The following LDLRAD3 variants were observed in gnomAD, a reference collection of about 807,000 sequenced individuals.
LDLRAD3 encodes the protein low-density lipoprotein receptor class A domain-containing protein 3.
Under a neutral mutation model 29.4 loss-of-function variants are expected in LDLRAD3, and 20 were observed. That is an observed-to-expected ratio of 0.68 (90% CI 0.48 to 0.99). The LOEUF (loss-of-function observed/expected upper bound fraction) is 0.99, where lower values mean the gene tolerates loss of function less well. LDLRAD3 is among the 50% of genes least tolerant of loss of function. The pLI is 0.00. For synonymous variants in LDLRAD3, 157 were observed against 192.7 expected (o/e 0.81, Z 1.53); for missense variants, 420 against 454.3 (o/e 0.92, Z 0.69).
chr11:36,183,284 A>C (rs560426907), intron 4 of LDLRAD3, among the ~76,000 whole-genome samples: 42 of 152,190 alleles, frequency 2.8e-4, no homozygotes, highest in East Asian at 5.8e-4. Context: ...AAAGGTAATA[A>C]ATTTCAACCT....
rs187712655 is a variant in LDLRAD3 at position 36,118,225 on chromosome 11, T to C, written c.454+19764T>C. Among the ~76,000 whole-genome samples the C allele has an allele frequency of 1.6e-4, 25 of 152,252 alleles. No homozygotes were observed. The East Asian group carries it at 2.7e-3, about 16-fold the overall frequency. The stretch of plus-strand genomic sequence containing the variant: ...AGGTGTTAGACCAACTCTTTTGTTT[T>C]ATAGAGGAGAAAATGGAGACCAAGA... On this transcript the variant is annotated intron_variant, in intron 4 of 5. Transcript: ENST00000315571.
intron 4 of LDLRAD3, among the ~76,000 whole-genome samples, chr11:36,150,411 C>A (rs548546087): frequency 1.4e-4 from 21 of 152,118 alleles, no homozygotes; most frequent in African/African-American, 5.1e-4. Context: ...GCCTGTAGTC[C>A]CAGCTACCCA....
intron 2 of LDLRAD3, among the ~76,000 whole-genome samples, chr11:36,054,970 C>CATGGATGGATGGATGG (rs147422335): frequency 3.4e-5 from 3 of 87,300 alleles, no homozygotes; most frequent in African/African-American, 1.4e-4. Context: ...TGGATGGATG[C>CATGGATGGATGGATGG]ATGGATGGAT....
chr11:36,020,473 C>T (rs531577208), intron 1 of LDLRAD3, among the ~76,000 whole-genome samples: 1 of 152,286 alleles, frequency 6.6e-6, no homozygotes, highest in Admixed American at 6.5e-5. Context: ...TATTTTAGCA[C>T]AGGGAAGCAA....
intron 4 of LDLRAD3, among the ~76,000 whole-genome samples, chr11:36,157,490 C>G (rs1854371037): frequency 1.3e-5 from 2 of 152,090 alleles, no homozygotes; most frequent in African/African-American, 4.8e-5. Flanking sequence ...TTTAAAGTCC[C>G]AAATGAACCA....
rs764292700 is a variant in LDLRAD3, at chr11:36,036,128, C to G, written c.72C>G (p.Asn24Lys). 6.2e-7 allele frequency: 1 copy of G among 1,614,060 alleles called. No homozygotes were observed. Among genetic ancestry groups the G allele is most frequent in the South Asian group, 1.1e-5 (1 of 91,062 alleles). ...AGAGCCAGCTGCTCCCCGGGAACAACTTCACCAATGAGTGCAACATACCAG... is the reference window on the plus strand; with the variant it reads ...AGAGCCAGCTGCTCCCCGGGAACAAGTTCACCAATGAGTGCAACATACCAG... ...AAESQLLPGN[N>K]FTNECNIPGN... The change falls in exon 2 of 6, where the codon AAC (asparagine) becomes AAG (lysine). Residue 24 changes from asparagine to lysine, a missense_variant. Coordinates refer to ENST00000315571, the MANE Select transcript of LDLRAD3 (RefSeq NM_174902.4).
At chr11:36,154,899 C>T (rs978667212) in intron 4 of LDLRAD3, among the ~76,000 whole-genome samples, 3 of 152,166 alleles carry the variant, frequency 2.0e-5, no homozygotes, top group Non-Finnish European at 4.4e-5. Flanking sequence ...GGAGCTCATG[C>T]TGTCTTTAGG....
intron 3 of LDLRAD3, among the ~76,000 whole-genome samples, chr11:36,084,922 G>A (rs1272445458): frequency 3.3e-5 from 5 of 152,140 alleles, no homozygotes; most frequent in Non-Finnish European, 2.9e-5. Context: ...ATCTGTGTAC[G>A]TTAGCCACCC....
intron 2 of LDLRAD3, among the ~76,000 whole-genome samples, chr11:36,051,335 G>T (rs1324023196): frequency 6.6e-6 from 1 of 152,202 alleles, no homozygotes; most frequent in Admixed American, 6.5e-5. Context: ...GGTCAACATG[G>T]TTGAGAGCAT....
intron 1 of LDLRAD3, among the ~76,000 whole-genome samples, chr11:35,965,418 G>T (rs1156642967): frequency 6.6e-6 from 1 of 152,232 alleles, no homozygotes; most frequent in Non-Finnish European, 1.5e-5. Context: ...TTTGGGAACT[G>T]CTGGTAGAGA....
intron 4 of LDLRAD3, among the ~76,000 whole-genome samples, chr11:36,158,646 G>A (rs996656281): frequency 2.2e-4 from 33 of 151,740 alleles, no homozygotes; most frequent in African/African-American, 7.2e-4. Flanking sequence ...GTGAGGGCAG[G>A]AATTTCTGTT....
At chr11:35,962,400 G>C (rs769402889) in intron 1 of LDLRAD3, among the ~76,000 whole-genome samples, 4 of 152,122 alleles carry the variant, frequency 2.6e-5, no homozygotes, top group Non-Finnish European at 5.9e-5. Context: ...TGCCTCTACA[G>C]AAAGTACCTT....
intron 2 of LDLRAD3, among the ~76,000 whole-genome samples, chr11:36,056,450 G>T (rs755163174): frequency 6.6e-6 from 1 of 152,118 alleles, no homozygotes; most frequent in Non-Finnish European, 1.5e-5. Flanking sequence ...TAAGTAACTG[G>T]CTGAGGCACT....
At chr11:36,122,674 T>G (rs915906519) in intron 4 of LDLRAD3, among the ~76,000 whole-genome samples, 3 of 152,074 alleles carry the variant, frequency 2.0e-5, no homozygotes, top group Non-Finnish European at 4.4e-5. Context: ...GTGAAGGAGA[T>G]AAACTTGTGA....
intron 1 of LDLRAD3, among the ~76,000 whole-genome samples, chr11:36,021,640 G>T (rs964228937): frequency 6.6e-6 from 1 of 152,078 alleles, no homozygotes; most frequent in Non-Finnish European, 1.5e-5. Context: ...AGACTGTAGG[G>T]TTTAAACCTT....
At chr11:36,064,178 T>C (rs1002942647) in intron 2 of LDLRAD3, among the ~76,000 whole-genome samples, 1 of 152,244 alleles carries the variant, frequency 6.6e-6, no homozygotes, top group Admixed American at 6.5e-5. Flanking sequence ...CTATTGGAAA[T>C]GGAATTGTTT....
At chr11:36,222,891 G>C (rs938102830) in intron 4 of LDLRAD3, among the ~76,000 whole-genome samples, 2 of 152,174 alleles carry the variant, frequency 1.3e-5, no homozygotes, top group Admixed American at 1.3e-4. Context: ...TTTCTAGGTA[G>C]TGACCAGATT....
intron 1 of LDLRAD3, among the ~76,000 whole-genome samples, chr11:35,951,487 T>C (rs1432536221): frequency 2.0e-5 from 3 of 152,218 alleles, no homozygotes; most frequent in Non-Finnish European, 4.4e-5. Flanking sequence ...TCCCTTGCTT[T>C]GCTCGGCTCT....
At chr11:36,001,913 T>C (rs1457881468) in intron 1 of LDLRAD3, among the ~76,000 whole-genome samples, 2 of 152,200 alleles carry the variant, frequency 1.3e-5, no homozygotes, top group African/African-American at 4.8e-5. Context: ...TTGGTTAGTA[T>C]AGTTTTAAAA....
Sources: allele counts gnomAD v4.1 joint callset (sites outside exome capture counted in the v4.1 genomes callset), GRCh38; gene constraint gnomAD v4.1.1; transcripts MANE v1.5; gene names NCBI Gene and HGNC (gene_info 2026-07-23, HGNC 2026-07-21).